CD46: variants seen among roughly 807,000 people sequenced by gnomAD.
The protein encoded by CD46 is membrane cofactor protein.
CD46 carries 30 observed loss-of-function variants against 53.3 expected under a neutral mutation model. The ratio of observed to expected loss-of-function variants is 0.56; its 90% CI spans 0.42 to 0.76. CD46 has a LOEUF of 0.76. Ranked by LOEUF, CD46 falls within the 30% of genes least tolerant of loss-of-function variation. CD46 has a pLI of 0.00. For synonymous variants in CD46, 142 were observed against 152.0 expected (o/e 0.93, Z 0.48); for missense variants, 409 against 463.0 (o/e 0.88, Z 1.07).
At chr1:207,779,913 C>CTTTTTTGTTTTTTTTTTTTTTT (rs1658544601) in intron 8 of CD46, among the ~76,000 whole-genome samples, 1 of 62,384 alleles carries the variant, frequency 1.6e-5, no homozygotes, top group Non-Finnish European at 3.0e-5. Flanking sequence ...AAAAGCAAGT[C>CTTTTTTGTTTTTTTTTTTTTTT]TTTTTTTTTT....
In CD46 at chr1:207,759,694, A is replaced by G. The variant is rs770751089; in HGVS notation, c.445A>G (p.Ile149Val). Residue 149 changes from isoleucine (I) to valine (V), a missense_variant, in exon 4 of 13, where the codon ATT (isoleucine) becomes GTT (valine). Coordinates refer to ENST00000367042, the MANE Select transcript of CD46 (RefSeq NM_172351.3). ...TTGTGAACTTAAAGGATCAGTAGCA[A>G]TTTGGAGCGGTAAGCCCCCAATATG... ...LYCELKGSVA[I>V]WSGKPPICEK... is the part of the protein sequence containing the mutation. The G allele has an allele frequency of 2.5e-6, 4 of 1,606,908 alleles. No individual in the cohort carries two copies. Among genetic ancestry groups the G allele is most frequent in the Non-Finnish European group, 3.4e-6 (4 of 1,173,624 alleles).
At chr1:207,769,204 G>A (rs1031223883) in intron 7 of CD46, 3 of 152,354 alleles carry the variant, frequency 2.0e-5, no homozygotes, top group Non-Finnish European at 4.4e-5. Context: ...GTTGCAGTGA[G>A]CCAAGATCAT....
chr1:207,753,202 G>T (rs1655121618), intron 1 of CD46, among the ~76,000 whole-genome samples: 1 of 152,074 alleles, frequency 6.6e-6, no homozygotes, highest in Non-Finnish European at 1.5e-5. Context: ...ATATTTGAGA[G>T]ATGTGAAACA....
rs780577622 is a variant in CD46, at chr1:207,767,044, T to C, written c.705T>C (p.Asn235=). 5 of 1,613,660 alleles carry C rather than the reference T, an allele frequency of 3.1e-6. No individual in the cohort carries two copies. The highest frequency in any genetic ancestry group is 1.7e-5 in the Admixed American group (1 of 59,988). ...VVKCRFPVVE[N]GKQISGFGKK... is the part of the protein sequence containing the mutation. Reference sequence around the variant, plus strand: ...AATGTCGATTTCCAGTAGTCGAAAATGGAAAACAGATATCAGGATTTGGAA... The same window carrying C: ...AATGTCGATTTCCAGTAGTCGAAAACGGAAAACAGATATCAGGATTTGGAA... Residue 235 remains asparagine (N), a synonymous_variant, in exon 6 of 13, where the codon AAT becomes AAC. Transcript: ENST00000367042.
chr1:207,757,090 A>G lies in CD46; in HGVS notation c.174A>G (p.Glu58=). 1 of 1,614,070 alleles carries G rather than the reference A, an allele frequency of 6.2e-7. No homozygotes were observed. The highest frequency in any genetic ancestry group is 8.5e-7 in the Non-Finnish European group (1 of 1,179,898). The part of the protein sequence containing the change: ...GKPKPYYEIG[E]RVDYKCKKGY... ...CAAAACCCTACTATGAGATTGGTGA[A>G]CGAGTAGATTATAAGTGTAAAAAAG... Residue 58 remains glutamate, a synonymous_variant, in exon 2 of 13, where the codon GAA becomes GAG. Coordinates refer to ENST00000367042, the MANE Select transcript of CD46 (RefSeq NM_172351.3).
At chr1:207,756,961 G>T (rs758670382) in intron 1 of CD46, 53 bp from the exon 2 acceptor site, 1 of 1,460,924 alleles carries the variant, frequency 6.8e-7, no homozygotes, top group Non-Finnish European at 9.6e-7. Flanking sequence ...GTCCATGGCT[G>T]ATGAAAGTGA....
chr1:207,770,288 G>C, intron 7 of CD46, 33 bp from the exon 8 acceptor site: 1 of 1,496,210 alleles, frequency 6.7e-7, no homozygotes, highest in South Asian at 1.1e-5. Flanking sequence ...ATAAGGCCCT[G>C]GTGAATTTAT....
chr1:207,770,187 G>A (rs1657332809), intron 7 of CD46, 134 bp from the exon 8 acceptor site: 1 of 712,062 alleles, frequency 1.4e-6, no homozygotes, highest in Non-Finnish European at 2.5e-6. Context: ...TAAATTCTAA[G>A]ATGTGGAATT....
intron 11 of CD46, among the ~76,000 whole-genome samples, chr1:207,787,938 C>G (rs1391020527): frequency 6.6e-6 from 1 of 152,062 alleles, no homozygotes; most frequent in African/African-American, 2.4e-5. Flanking sequence ...AGTACAGATT[C>G]TGATTCATTG....
chr1:207,755,798 T>C (rs998879815), intron 1 of CD46, among the ~76,000 whole-genome samples: 1 of 152,242 alleles, frequency 6.6e-6, no homozygotes, highest in Non-Finnish European at 1.5e-5. Context: ...CTAATCTTCT[T>C]TCTCCATTGT....
rs1227586822 is a variant in CD46 at position 207,786,843 on chromosome 1, A to G, written c.1082+1161A>G. ...CATATTTGATTTATCTATCAGTTGT[A>G]TATTCTAAAAGTTACATATCTACAA... On this transcript the variant is annotated intron_variant, in intron 11 of 12. Coordinates refer to ENST00000367042, the MANE Select transcript of CD46 (RefSeq NM_172351.3). Among the ~76,000 whole-genome samples the G allele has an allele frequency of 2.6e-5, 4 of 152,336 alleles. 1 individual carries two copies. The South Asian group carries it at 8.3e-4, about 32-fold the overall frequency.
In CD46 at chr1:207,757,140, C is replaced by G; in HGVS notation, c.224C>G (p.Ala75Gly). 6.2e-7 allele frequency: 1 copy of G among 1,613,804 alleles called. No individual in the cohort carries two copies. The highest frequency in any genetic ancestry group is 8.5e-7 in the Non-Finnish European group (1 of 1,179,788). Residue 75 changes from alanine to glycine, a missense_variant, in exon 2 of 13, where the codon GCC becomes GGC. Coordinates refer to ENST00000367042, the MANE Select transcript of CD46 (RefSeq NM_172351.3). ...GGATACTTCTATATACCTCCTCTTG[C>G]CACCCATACTATTTGTGATCGGAAT... ...KKGYFYIPPL[A>G]THTICDRNHT... is the part of the protein sequence containing the mutation.
intron 7 of CD46, 42 bp from the exon 8 acceptor site, chr1:207,770,279 T>C (rs765830805): frequency 1.4e-6 from 2 of 1,381,492 alleles, no homozygotes; most frequent in Admixed American, 1.7e-5. Flanking sequence ...TTTATATTGA[T>C]AAGGCCCTGG....
At chr1:207,778,137 G>A (rs779553475) in intron 8 of CD46, among the ~76,000 whole-genome samples, 7 of 152,042 alleles carry the variant, frequency 4.6e-5, no homozygotes, top group Non-Finnish European at 1.0e-4. Flanking sequence ...TAATGGAGTT[G>A]TTTTTCTCTT....
chr1:207,755,585 G>A (rs560039080), intron 1 of CD46, among the ~76,000 whole-genome samples: 3 of 152,304 alleles, frequency 2.0e-5, no homozygotes, highest in Admixed American at 6.5e-5. Flanking sequence ...GACAAAACCC[G>A]CAATCTCCTG....
chr1:207,754,160 C>A (rs1655246895), intron 1 of CD46, among the ~76,000 whole-genome samples: 1 of 152,192 alleles, frequency 6.6e-6, no homozygotes, highest in Non-Finnish European at 1.5e-5. Flanking sequence ...GCTCTGGAGG[C>A]AAGCAGTATA....
chr1:207,766,778 TAAG>T (rs1656898535), intron 5 of CD46, among the ~76,000 whole-genome samples: 1 of 152,112 alleles, frequency 6.6e-6, no homozygotes, highest in African/African-American at 2.4e-5. Flanking sequence ...CAAGTTTTCT[TAAG>T]AAAATGTGGT....
At chr1:207,782,104 G>T (rs1658799985) in intron 8 of CD46, among the ~76,000 whole-genome samples, 1 of 151,918 alleles carries the variant, frequency 6.6e-6, no homozygotes, top group Non-Finnish European at 1.5e-5. Flanking sequence ...TTTTTTAGCA[G>T]TTTTGTAGTT....
At chr1:207,785,968 C>G in intron 11 of CD46, 6 of 351,626 alleles carry the variant, frequency 1.7e-5, no homozygotes, top group Non-Finnish European at 3.2e-5. Flanking sequence ...AAATCATGGA[C>G]CACTCACTAT....
Sources: allele counts gnomAD v4.1 joint callset (sites outside exome capture counted in the v4.1 genomes callset), GRCh38; gene constraint gnomAD v4.1.1; transcripts MANE v1.5; gene names NCBI Gene and HGNC (gene_info 2026-07-23, HGNC 2026-07-21).